Variants in PTPRK observed in about 807,000 individuals in gnomAD.
The protein encoded by PTPRK is protein tyrosine phosphatase receptor type K.
A neutral mutation model predicts 178.0 loss-of-function variants in PTPRK; 75 were observed. The observed-to-expected ratio is 0.42, with a 90% CI of 0.35 to 0.51. The LOEUF is 0.51. Ranked by LOEUF, PTPRK falls within the 20% of genes least tolerant of loss-of-function variation. PTPRK has a pLI of 0.02. For missense variants in PTPRK, 1,441 were observed against 1,797.8 expected, an observed-to-expected ratio of 0.80 and a Z score of 3.59; for synonymous variants, 637 against 620.6, an observed-to-expected ratio of 1.03 and a Z score of -0.39.
At chr6:128,391,401 G>A (rs1472448533) in intron 2 of PTPRK, among the ~76,000 whole-genome samples, 1 of 152,112 alleles carries the variant, frequency 6.6e-6, no homozygotes, top group African/African-American at 2.4e-5. Context: ...ATGACAAAAA[G>A]AAAGTAAACC....
chr6:128,337,362 A>T (rs1433525630), intron 2 of PTPRK, among the ~76,000 whole-genome samples: 1 of 152,184 alleles, frequency 6.6e-6, no homozygotes, highest in African/African-American at 2.4e-5. Context: ...AGAATAGCTT[A>T]AGACAGTAAA....
At chr6:127,982,024 G>C (rs918869016) in intron 24 of PTPRK, among the ~76,000 whole-genome samples, 1 of 151,966 alleles carries the variant, frequency 6.6e-6, no homozygotes, top group Non-Finnish European at 1.5e-5. Context: ...ATTTTTTGTA[G>C]AGATGAGGTT....
At chr6:128,469,450 G>A (rs1584867263) in intron 1 of PTPRK, among the ~76,000 whole-genome samples, 1 of 152,222 alleles carries the variant, frequency 6.6e-6, no homozygotes, top group East Asian at 1.9e-4. Flanking sequence ...CTAACACCCT[G>A]GAGTAGCTTT....
intron 13 of PTPRK, among the ~76,000 whole-genome samples, chr6:128,015,649 G>C (rs183225428): frequency 2.0e-4 from 30 of 151,796 alleles, no homozygotes; most frequent in Middle Eastern, 3.4e-3. Flanking sequence ...TTCACAAGCA[G>C]GTGCCAATCA....
chr6:128,471,037 T>G (rs1850581467), intron 1 of PTPRK, among the ~76,000 whole-genome samples: 1 of 151,948 alleles, frequency 6.6e-6, no homozygotes, highest in Non-Finnish European at 1.5e-5. Context: ...AAAATATTCT[T>G]AGAATATATG....
chr6:128,362,918 A>C (rs2128343185), intron 2 of PTPRK, among the ~76,000 whole-genome samples: 1 of 152,290 alleles, frequency 6.6e-6, no homozygotes, highest in Admixed American at 6.5e-5. Flanking sequence ...ACACAGTATA[A>C]ATTAGAATTT....
chr6:128,459,711 T>C (rs1265260610), intron 1 of PTPRK, among the ~76,000 whole-genome samples: 1 of 152,186 alleles, frequency 6.6e-6, no homozygotes, highest in Non-Finnish European at 1.5e-5. Flanking sequence ...AATAATAACA[T>C]TACACTGGAG....
At chr6:128,163,701 A>G (rs1798997820) in intron 7 of PTPRK, among the ~76,000 whole-genome samples, 1 of 151,540 alleles carries the variant, frequency 6.6e-6, no homozygotes, top group South Asian at 2.1e-4. Flanking sequence ...ACTATAATAC[A>G]TAACTATATT....
At position 128,104,353 on chromosome 6, in the gene PTPRK, A is replaced by G. The variant is rs200751230; in HGVS notation, c.1163-14361T>C. ...GCCATTCTCCTGCCTCAGCCTCCCGAGTTGCTGGGACTACAGGCACTGGCC... is the reference window on the plus strand; with the variant it reads ...GCCATTCTCCTGCCTCAGCCTCCCGGGTTGCTGGGACTACAGGCACTGGCC... On this transcript the variant is annotated intron_variant, in intron 7 of 29. Transcript: ENST00000368226. 4.2e-4 allele frequency among the ~76,000 whole-genome samples: 64 copies of G among 152,070 alleles called. No individual in the cohort carries two copies. In the East Asian group the frequency reaches 0.012, roughly 29 times the overall value.
chr6:128,314,792 C>T (rs1216212000), intron 3 of PTPRK, among the ~76,000 whole-genome samples: 1 of 151,658 alleles, frequency 6.6e-6, no homozygotes, highest in African/African-American at 2.4e-5. Context: ...TAATCCAAAC[C>T]TTTACCCAAT....
rs1326687229 is a variant in PTPRK, at chr6:128,322,201, T to C, written c.333A>G (p.Leu111=). The C allele has an allele frequency of 1.2e-6, 2 of 1,613,874 alleles. No homozygotes were observed. The highest frequency in any genetic ancestry group is 1.1e-5 in the South Asian group (1 of 91,086). ...NDTHCIDFSY[L]LYSQKGLNPG... is the part of the protein sequence containing the mutation. ...GATTCAGTCCTTTCTGGCTATATAA[T>C]AGGTAACTGAAATCAATGCAGTGAG... The change falls in exon 3 of 30, where the codon CTA becomes CTG. Residue 111 remains leucine (L), a synonymous_variant. Transcript: ENST00000368226.
chr6:128,022,394 C>T (rs951953342), intron 13 of PTPRK, among the ~76,000 whole-genome samples: 1 of 152,142 alleles, frequency 6.6e-6, no homozygotes, highest in East Asian at 1.9e-4. Context: ...CGTTTCTTCT[C>T]TTAAAATCTA....
intron 3 of PTPRK, among the ~76,000 whole-genome samples, chr6:128,254,507 T>C (rs984488139): frequency 6.6e-6 from 1 of 152,126 alleles, no homozygotes; most frequent in Admixed American, 6.5e-5. Flanking sequence ...ATATCTATAT[T>C]TGTCTTGACT....
chr6:128,313,330 T>C (rs965924463), intron 3 of PTPRK, among the ~76,000 whole-genome samples: 5 of 152,198 alleles, frequency 3.3e-5, no homozygotes, highest in African/African-American at 1.2e-4. Flanking sequence ...ATATTGTCTT[T>C]ATGGGACACC....
At chr6:128,196,856 C>A (rs1804938773) in intron 6 of PTPRK, among the ~76,000 whole-genome samples, 1 of 152,104 alleles carries the variant, frequency 6.6e-6, no homozygotes, top group Non-Finnish European at 1.5e-5. Flanking sequence ...CTATCCTTTT[C>A]CACGCTCAGC....
At chr6:128,193,133 T>C (rs183798374) in intron 6 of PTPRK, among the ~76,000 whole-genome samples, 110 of 152,234 alleles carry the variant, frequency 7.2e-4, no homozygotes, top group Non-Finnish European at 1.4e-3. Context: ...CTCTGAACGA[T>C]GTAGCAAGCC....
intron 1 of PTPRK, among the ~76,000 whole-genome samples, chr6:128,429,322 C>A (rs1306678850): frequency 6.6e-6 from 1 of 152,192 alleles, no homozygotes; most frequent in African/African-American, 2.4e-5. Context: ...CCTTGCCCTG[C>A]CTCCCTGGTG....
intron 2 of PTPRK, among the ~76,000 whole-genome samples, chr6:128,357,005 A>G (rs746435303): frequency 6.5e-4 from 99 of 152,204 alleles, no homozygotes; most frequent in Admixed American, 1.4e-3. Flanking sequence ...GCAGAACTCC[A>G]TGGTGGAGCT....
chr6:128,203,183 T>A (rs1370302621), intron 6 of PTPRK, among the ~76,000 whole-genome samples: 3 of 152,146 alleles, frequency 2.0e-5, no homozygotes, highest in Non-Finnish European at 4.4e-5. Context: ...AACACATGAT[T>A]ATCGCAATAG....
Sources: allele counts gnomAD v4.1 joint callset (sites outside exome capture counted in the v4.1 genomes callset), GRCh38; gene constraint gnomAD v4.1.1; transcripts MANE v1.5; gene names NCBI Gene and HGNC (gene_info 2026-07-23, HGNC 2026-07-21).